Variants in SIRPB1 observed in about 807,000 individuals in gnomAD.
SIRPB1 encodes the protein signal-regulatory protein beta-1.
A neutral mutation model predicts 34.1 loss-of-function variants in SIRPB1; 28 were observed. The observed-to-expected ratio is 0.82, with a 90% CI of 0.61 to 1.12. The LOEUF (loss-of-function observed/expected upper bound fraction) is 1.12. Ranked by LOEUF, SIRPB1 falls within the 50% of genes most tolerant of loss-of-function variation. The pLI is 0.00. For synonymous variants in SIRPB1, 211 were observed against 203.8 expected (o/e 1.04, Z -0.30); for missense variants, 499 against 507.0 (o/e 0.98, Z 0.15).
At chr20:1,619,452 T>G (rs913508254) in intron 1 of SIRPB1, among the ~76,000 whole-genome samples, 6 of 152,106 alleles carry the variant, frequency 3.9e-5, no homozygotes, top group Non-Finnish European at 7.4e-5. Flanking sequence ...GTGAGCACTA[T>G]TACAGACTTC....
At position 1,592,490 on chromosome 20, in the gene SIRPB1, CT is replaced by C. The variant is rs2091446445; in HGVS notation, c.77-13797del. Among the ~76,000 whole-genome samples the C allele has an allele frequency of 4.1e-5, 2 of 48,526 alleles. 1 individual carries two copies. Among genetic ancestry groups the C allele is most frequent in the Non-Finnish European group, 7.9e-5 (2 of 25,260 alleles). The allele number at this position is 48,526 out of a possible 152,430, so 31.8% of individuals were successfully genotyped here. On this transcript the variant is annotated intron_variant, in intron 1 of 5. Transcript: ENST00000381605. ...CCATTGCGCCCGGCCTCAGGTAGTT[CT>C]TTATAGTAGTATGAGAATGGACTAA...
rs1281614088 is a variant in SIRPB1 at position 1,570,960 on chromosome 20, T to C, written c.929A>G (p.Asn310Ser). The change falls in exon 4 of 6, where the codon AAC becomes AGC. Residue 310 changes from asparagine (N) to serine (S), a missense_variant. By Grantham distance (46) the Asn-to-Ser change is conservative (BLOSUM62 1). Coordinates refer to ENST00000381605, the MANE Select transcript of SIRPB1 (RefSeq NM_006065.5). Reference sequence around the variant, plus strand: ...GTTCACCAGGAGCCAGCTCATCCAGTTGTAGGTGCCATCCTTGTTCTCTAT... The same window carrying C: ...GTTCACCAGGAGCCAGCTCATCCAGCTGTAGGTGCCATCCTTGTTCTCTAT... ...TLIENKDGTY[N>S]WMSWLLVNTC... 1 of 1,613,548 alleles carries C rather than the reference T, an allele frequency of 6.2e-7. No individual in the cohort carries two copies.
intron 2 of SIRPB1, among the ~76,000 whole-genome samples, chr20:1,576,363 AT>A (rs137979932): frequency 0.011 from 1,686 of 147,890 alleles, 107 homozygotes; most frequent in African/African-American, 0.039. Flanking sequence ...ACATATACAC[AT>A]TTTTTTAAAA....
At chr20:1,569,326 C>G (rs914539074) in intron 4 of SIRPB1, among the ~76,000 whole-genome samples, 2 of 152,160 alleles carry the variant, frequency 1.3e-5, no homozygotes, top group African/African-American at 2.4e-5. Context: ...AATGTATGCT[C>G]CATTTTAGAT....
rs1473680491 is a variant in SIRPB1 at position 1,582,809 on chromosome 20, G to A, written c.77-4115C>T. 4.1e-5 allele frequency among the ~76,000 whole-genome samples: 2 copies of A among 48,822 alleles called. 1 individual carries two copies. The highest frequency in any genetic ancestry group is 1.2e-3 in the East Asian group (2 of 1,730). 32.0% of individuals were successfully genotyped at this position (48,822 alleles called of 152,430 possible). On this transcript the variant is annotated intron_variant, in intron 1 of 5. Transcript: ENST00000381605. Reference sequence around the variant, plus strand: ...AACACACACTTGATTTTCACTTATCGCTGTCTAATATACTATTTTATTTGC... The same window carrying A: ...AACACACACTTGATTTTCACTTATCACTGTCTAATATACTATTTTATTTGC...
intron 3 of SIRPB1, 27 bp from the exon 4 acceptor site, chr20:1,571,164 G>C: frequency 6.3e-7 from 1 of 1,595,034 alleles, no homozygotes; most frequent in Non-Finnish European, 8.6e-7. Context: ...CAGAAGCTCT[G>C]ATCTTGTGGC....
chr20:1,571,619 T>TA, intron 3 of SIRPB1, 101 bp downstream of exon 3: 1 of 1,550,036 alleles, frequency 6.5e-7, no homozygotes, highest in South Asian at 1.2e-5. Context: ...ACAACACAGT[T>TA]AGGAATTAGA....
Position 1,563,840 on chromosome 20 carries a change from A to G in SIRPB1, c.*1660T>C, listed in dbSNP as rs977709910. 2 of 152,502 alleles carry G rather than the reference A, an allele frequency of 1.3e-5. No homozygotes were observed. Among genetic ancestry groups the G allele is most frequent in the African/African-American group, 2.4e-5 (1 of 41,404 alleles). The allele number at this position is 152,502 out of a possible 1,614,324, so 9.4% of individuals were successfully genotyped here. ...GAGAACTCACTATCACAAGAACAGC[A>G]AGGGGGAAGTCCGCCCCCATGATTC... On this transcript the variant is annotated 3_prime_UTR_variant, in exon 6 of 6. Coordinates refer to ENST00000381605, the MANE Select transcript of SIRPB1 (RefSeq NM_006065.5).
chr20:1,571,310 A>G (rs1026704353), intron 3 of SIRPB1, among the ~76,000 whole-genome samples, 173 bp from the exon 4 acceptor site: 1 of 152,216 alleles, frequency 6.6e-6, no homozygotes, highest in African/African-American at 2.4e-5. Context: ...ATTACTAAGC[A>G]CAGTGCCTGG....
rs2091446171 is a variant in SIRPB1 at position 1,592,423 on chromosome 20, G to T, written c.77-13729C>A. 4.2e-5 allele frequency among the ~76,000 whole-genome samples: 2 copies of T among 48,078 alleles called. 1 individual carries two copies. Among genetic ancestry groups the T allele is most frequent in the Non-Finnish European group, 7.9e-5 (2 of 25,158 alleles). 31.5% of individuals were successfully genotyped at this position (48,078 alleles called of 152,430 possible). On this transcript the variant is annotated intron_variant, in intron 1 of 5. Transcript: ENST00000381605. Reference sequence around the variant, plus strand: ...TTGAACTCCTGACCTCAGGTGATCCGCCCGCCTCAGCCTCTCAAAGTTCTG... The same window carrying T: ...TTGAACTCCTGACCTCAGGTGATCCTCCCGCCTCAGCCTCTCAAAGTTCTG...
chr20:1,614,074 A>G (rs909939086), intron 1 of SIRPB1, among the ~76,000 whole-genome samples: 1 of 152,246 alleles, frequency 6.6e-6, no homozygotes, highest in African/African-American at 2.4e-5. Flanking sequence ...ACTGAAGGCC[A>G]GAAGATAGAG....
rs187240165 is a variant in SIRPB1, at chr20:1,568,063, A to G, written c.1085-1796T>C. Among the ~76,000 whole-genome samples, 13 of 152,334 alleles carry G rather than the reference A, an allele frequency of 8.5e-5. 1 individual carries two copies. The East Asian group carries it at 2.5e-3, about 29-fold the overall frequency. ...GGGACCCTGAAATGTGGAAGGAGAC[A>G]TTTGGGTCAAACCACTCAAAGATTG... On this transcript the variant is annotated intron_variant, in intron 4 of 5. Transcript: ENST00000381605.
intron 4 of SIRPB1, among the ~76,000 whole-genome samples, chr20:1,568,699 G>A (rs1448090393): frequency 1.3e-5 from 2 of 152,070 alleles, no homozygotes; most frequent in Non-Finnish European, 2.9e-5. Flanking sequence ...AGAAAGTGAT[G>A]AAGGGAGGAC....
chr20:1,597,712 AT>A, intron 1 of SIRPB1: 1 of 339,202 alleles, frequency 2.9e-6, no homozygotes, highest in Non-Finnish European at 3.4e-6. Flanking sequence ...AAGGATAATC[AT>A]TTTTCTCCTT....
chr20:1,576,179 G>C (rs2091306518), intron 2 of SIRPB1, among the ~76,000 whole-genome samples: 1 of 147,394 alleles, frequency 6.8e-6, no homozygotes, highest in African/African-American at 2.5e-5. Context: ...GCCTGGGCTG[G>C]GGAGGCACCA....
rs1334088009 is a variant in SIRPB1 at position 1,571,036 on chromosome 20, T to G, written c.853A>C (p.Thr285Pro). ...SNFYPRGLQL[T>P]WLENGNVSRT... Reference sequence around the variant, plus strand: ...GACACATTTCCATTCTCCAACCAGGTCAGCTGTAGTCCCCGGGGGTAGAAA... The same window carrying G: ...GACACATTTCCATTCTCCAACCAGGGCAGCTGTAGTCCCCGGGGGTAGAAA... The change falls in exon 4 of 6, where the codon ACC (threonine) becomes CCC (proline). Residue 285 changes from threonine to proline, a missense_variant. Physicochemically the swap from Thr to Pro is conservative, Grantham distance 38. Coordinates refer to ENST00000381605, the MANE Select transcript of SIRPB1 (RefSeq NM_006065.5). 3 of 1,614,030 alleles carry G rather than the reference T, an allele frequency of 1.9e-6. No individual in the cohort carries two copies. Among genetic ancestry groups the G allele is most frequent in the African/African-American group, 2.7e-5 (2 of 74,922 alleles).
chr20:1,601,841 A>G (rs1444423446), intron 1 of SIRPB1, among the ~76,000 whole-genome samples: 1 of 48,504 alleles, frequency 2.1e-5, no homozygotes, highest in Non-Finnish European at 3.9e-5. Flanking sequence ...TTCCAAGGTG[A>G]AAAAGGAAGG....
intron 4 of SIRPB1, among the ~76,000 whole-genome samples, chr20:1,569,203 C>G (rs2091188012): frequency 6.6e-6 from 1 of 152,048 alleles, no homozygotes; most frequent in Non-Finnish European, 1.5e-5. Context: ...ATAAAATATC[C>G]AAAAATATCC....
In SIRPB1 at chr20:1,578,553, G is replaced by T. The variant is rs556486434; in HGVS notation, c.218C>A (p.Ala73Glu). ...GPIMWFRGAG[A>E]GRELIYNQKE... ...CTGATTGTAGATTAATTCCCGGCCT[G>T]CTCCAGCTCCTCTAAACCACATGAT... The change falls in exon 2 of 6, where the codon GCA (alanine) becomes GAA (glutamate). Residue 73 changes from alanine (A) to glutamate (E), a missense_variant. By Grantham distance (107) the Ala-to-Glu change is moderately radical. Coordinates refer to ENST00000381605, the MANE Select transcript of SIRPB1 (RefSeq NM_006065.5). The T allele has an allele frequency of 1.9e-6, 3 of 1,583,978 alleles. No individual in the cohort carries two copies. Among genetic ancestry groups the T allele is most frequent in the East Asian group, 2.2e-5 (1 of 44,856 alleles).
Sources: gnomAD v4.1 joint callset for allele counts (sites outside exome capture counted in the v4.1 genomes callset) on GRCh38, gnomAD v4.1.1 for gene constraint, MANE v1.5 for transcripts, NCBI Gene and HGNC (gene_info 2026-07-23, HGNC 2026-07-21) for gene names.